Variants in TENM4 observed in about 807,000 individuals in gnomAD.
TENM4 encodes teneurin-4.
A neutral mutation model predicts 243.3 loss-of-function variants in TENM4; 82 were observed. That is an observed-to-expected ratio of 0.34 (90% CI 0.28 to 0.40). The LOEUF (loss-of-function observed/expected upper bound fraction) is 0.40, where lower values mean the gene tolerates loss of function less well. Among genes scored for constraint, TENM4 ranks in the 10% least tolerant of loss-of-function variants. The pLI, the probability that TENM4 is intolerant of heterozygous loss-of-function variation, is 1.00. For missense variants in TENM4, 3,138 were observed against 3,673.3 expected (o/e 0.85, Z 3.77); for synonymous variants, 1,412 against 1,456.3 (o/e 0.97, Z 0.69).
chr11:79,196,062 T>G (rs1863620551), intron 3 of TENM4, among the ~76,000 whole-genome samples: 1 of 152,158 alleles, frequency 6.6e-6, no homozygotes, highest in Non-Finnish European at 1.5e-5. Context: ...TCTTCCTCAT[T>G]TTTGTCTTGC....
chr11:78,972,692 C>T (rs1357467282), intron 6 of TENM4, among the ~76,000 whole-genome samples: 1 of 152,148 alleles, frequency 6.6e-6, no homozygotes, highest in Non-Finnish European at 1.5e-5. Flanking sequence ...AATTCACACA[C>T]CATACAGGCC....
intron 4 of TENM4, among the ~76,000 whole-genome samples, chr11:79,111,236 A>G (rs1476387914): frequency 6.6e-6 from 1 of 152,116 alleles, no homozygotes; most frequent in East Asian, 1.9e-4. Context: ...GCCATGTAAA[A>G]CTGTGAGTCC....
At chr11:79,176,255 T>C (rs990213585) in intron 3 of TENM4, among the ~76,000 whole-genome samples, 22 of 152,174 alleles carry the variant, frequency 1.4e-4, no homozygotes, top group African/African-American at 5.3e-4. Flanking sequence ...TAAAGGTGGT[T>C]GCATTTCCAA....
chr11:79,371,888 T>A (rs1052904070), intron 1 of TENM4, among the ~76,000 whole-genome samples: 1 of 152,168 alleles, frequency 6.6e-6, no homozygotes, highest in Non-Finnish European at 1.5e-5. Context: ...ATCCTGATGA[T>A]TGGGGCAAAT....
At position 79,440,532 on chromosome 11, in the gene TENM4, G is replaced by A. The variant is rs1555070790; in HGVS notation, c.-344C>T. On this transcript the variant is annotated 5_prime_UTR_variant, in exon 1 of 34. Coordinates refer to ENST00000278550, the MANE Select transcript of TENM4 (RefSeq NM_001098816.3). The surrounding 1 kb of genome is among the most constrained non-coding windows in gnomAD (Gnocchi z 4.7). ...ACCGTGGCTGCAGGCTGCTACCGCC[G>A]GGGAAGCGGCGAGGACGGCGGCAGG... 6.6e-6 allele frequency: 1 copy of A among 152,164 alleles called. No individual in the cohort carries two copies. 9.4% of individuals were successfully genotyped at this position (152,164 alleles called of 1,614,324 possible). A position where few individuals can be genotyped will look rare whatever the true frequency, so the allele number is the denominator to read the frequency against.
chr11:78,960,669 G>A (rs144694738), intron 6 of TENM4, among the ~76,000 whole-genome samples: 36 of 152,266 alleles, frequency 2.4e-4, no homozygotes, highest in African/African-American at 8.4e-4. Flanking sequence ...TCCTGTAAGT[G>A]CCTCCTTTAG....
chr11:79,358,124 A>G (rs2135488484), intron 1 of TENM4, among the ~76,000 whole-genome samples: 1 of 152,338 alleles, frequency 6.6e-6, no homozygotes, highest in East Asian at 1.9e-4. Flanking sequence ...GGGCTCTGGT[A>G]AAATCAGGGC....
chr11:78,902,797 G>A (rs1191749567), intron 7 of TENM4, among the ~76,000 whole-genome samples: 2 of 152,166 alleles, frequency 1.3e-5, no homozygotes, highest in Non-Finnish European at 2.9e-5. Context: ...GCTGAGTGCC[G>A]ACGCCAGGCC....
At chr11:79,161,975 G>A (rs927840410) in intron 3 of TENM4, among the ~76,000 whole-genome samples, 3 of 152,192 alleles carry the variant, frequency 2.0e-5, no homozygotes, top group African/African-American at 7.2e-5. Context: ...GGTAATCTGA[G>A]TGACAATGAT....
At chr11:78,784,641 T>C (rs539652602) in intron 16 of TENM4, among the ~76,000 whole-genome samples, 188 of 152,336 alleles carry the variant, frequency 1.2e-3, no homozygotes, top group Non-Finnish European at 2.0e-3. Context: ...GTCAACCTTA[T>C]TCTTATATTG....
chr11:79,040,968 A>G (rs897631700), intron 6 of TENM4, among the ~76,000 whole-genome samples: 1 of 152,152 alleles, frequency 6.6e-6, no homozygotes, highest in Non-Finnish European at 1.5e-5. Flanking sequence ...TCCACAGACC[A>G]AGGGTTAAGA....
At chr11:78,902,923 C>T (rs980878421) in intron 7 of TENM4, among the ~76,000 whole-genome samples, 11 of 152,200 alleles carry the variant, frequency 7.2e-5, no homozygotes, top group Non-Finnish European at 1.5e-4. Flanking sequence ...GTGAAAGCCT[C>T]GTTCACACAT....
chr11:78,689,237 T>C (rs867311767), intron 28 of TENM4, among the ~76,000 whole-genome samples: 43 of 152,354 alleles, frequency 2.8e-4, no homozygotes, highest in Middle Eastern at 6.8e-3. Context: ...TCAATGAACA[T>C]TTCTGTACCG....
chr11:79,258,938 G>C (rs561889320), intron 2 of TENM4, among the ~76,000 whole-genome samples: 9 of 151,654 alleles, frequency 5.9e-5, no homozygotes, highest in South Asian at 2.1e-4. Context: ...TCCAGTCCTG[G>C]CCCCCCCCAC....
At chr11:79,075,703 GC>G (rs1287059034) in intron 4 of TENM4, among the ~76,000 whole-genome samples, 1 of 152,188 alleles carries the variant, frequency 6.6e-6, no homozygotes, top group African/African-American at 2.4e-5. Flanking sequence ...AGAGCATGTG[GC>G]CCCCAGGTGA....
At chr11:78,710,858 G>T (rs1299430956) in intron 26 of TENM4, among the ~76,000 whole-genome samples, 2 of 152,228 alleles carry the variant, frequency 1.3e-5, no homozygotes, top group East Asian at 3.8e-4. Flanking sequence ...GGGCCACGAG[G>T]GCGGGGAAGA....
chr11:78,766,007 C>G (rs958885980), intron 18 of TENM4, among the ~76,000 whole-genome samples: 2 of 151,966 alleles, frequency 1.3e-5, no homozygotes, highest in East Asian at 3.8e-4. Flanking sequence ...GACATAATTC[C>G]AATTTTTAAA....
rs193218762 is a variant in TENM4, at chr11:79,146,812, C to A, written c.-66+1898G>T. 2.0e-3 allele frequency among the ~76,000 whole-genome samples: 312 copies of A among 152,198 alleles called. 9 individuals are homozygous for A. In the South Asian group the frequency reaches 0.047, roughly 23 times the overall value. ...AAGGCGAAAACTGTACCACTCTTATCAAATAATGTGACCAAGGCCACATAA... is the reference window on the plus strand; with the variant it reads ...AAGGCGAAAACTGTACCACTCTTATAAAATAATGTGACCAAGGCCACATAA... On this transcript the variant is annotated intron_variant, in intron 4 of 33. Coordinates refer to ENST00000278550, the MANE Select transcript of TENM4 (RefSeq NM_001098816.3).
chr11:78,770,961 C>T (rs772835180), intron 18 of TENM4, 31 bp downstream of exon 18: 29 of 1,563,842 alleles, frequency 1.9e-5, no homozygotes, highest in Non-Finnish European at 2.4e-5. Flanking sequence ...CCTCTGGAGC[C>T]GCCTGGAGCC....
Sources: gnomAD v4.1 joint callset for allele counts (sites outside exome capture counted in the v4.1 genomes callset) on GRCh38, gnomAD v4.1.1 for gene constraint, Gnocchi (gnomAD v3.1) non-coding constraint, MANE v1.5 for transcripts, NCBI Gene and HGNC (gene_info 2026-07-23, HGNC 2026-07-21) for gene names.